RUSC2: variants seen among roughly 807,000 people sequenced by gnomAD.
RUSC2 encodes the protein AP-4 complex accessory subunit RUSC2.
In RUSC2, 34 loss-of-function variants were observed where a neutral mutation model predicts 122.2. The ratio of observed to expected loss-of-function variants is 0.28; its 90% confidence interval spans 0.21 to 0.37. The LOEUF (loss-of-function observed/expected upper bound fraction) is 0.37, where lower values mean the gene tolerates loss of function less well. RUSC2 is among the 10% of genes least tolerant of loss of function. The pLI, the probability that RUSC2 is intolerant of heterozygous loss-of-function variation, is 1.00. For missense variants in RUSC2, 1,747 were observed against 1,952.4 expected, an observed-to-expected ratio of 0.89 and a Z score of 1.98; for synonymous variants, 784 against 790.0, an observed-to-expected ratio of 0.99 and a Z score of 0.13.
At chr9:35,503,541 A>G (rs930910482) in intron 1 of RUSC2, among the ~76,000 whole-genome samples, 2 of 152,172 alleles carry the variant, frequency 1.3e-5, no homozygotes, top group South Asian at 2.1e-4. Flanking sequence ...TATTTTTGCA[A>G]TTGCCAATCG....
At chr9:35,513,939 T>TATATATATATA (rs1587842444) in intron 1 of RUSC2, among the ~76,000 whole-genome samples, 7 of 141,630 alleles carry the variant, frequency 4.9e-5, no homozygotes, top group South Asian at 2.3e-4. Flanking sequence ...TATATATATA[T>TATATATATATA]TACTTTATGT....
chr9:35,547,880 C>T lies in RUSC2; in HGVS notation c.1359C>T (p.Val453=). Residue 453 remains valine, a synonymous_variant, in exon 2 of 12, where the codon GTC becomes GTT. Coordinates refer to ENST00000361226, the MANE Select transcript of RUSC2 (RefSeq NM_014806.5). This position sits in a 1 kb window ranked among gnomAD's most constrained non-coding sequence, Gnocchi z 4.6. The part of the protein sequence containing the change: ...SEYYLFQKPE[V]QPEEQEAVSS... The stretch of plus-strand genomic sequence containing the variant: ...ATTACCTATTCCAGAAGCCAGAAGT[C>T]CAGCCAGAGGAACAAGAAGCAGTGA... 2.5e-6 allele frequency: 4 copies of T among 1,614,220 alleles called. No homozygotes were observed. The highest frequency in any genetic ancestry group is 3.4e-6 in the Non-Finnish European group (4 of 1,180,050).
chr9:35,545,417 C>G (rs553380730), intron 1 of RUSC2, among the ~76,000 whole-genome samples: 1 of 152,340 alleles, frequency 6.6e-6, no homozygotes, highest in Admixed American at 6.5e-5. Context: ...GCAGGCCACA[C>G]TGCCACGGTG....
chr9:35,532,198 C>T (rs1400538408), intron 1 of RUSC2, among the ~76,000 whole-genome samples: 8 of 152,014 alleles, frequency 5.3e-5, no homozygotes, highest in Non-Finnish European at 1.2e-4. Flanking sequence ...ATTTGGTTTT[C>T]GATATGTTGA....
Position 35,547,897 on chromosome 9 carries a change from A to C in RUSC2, c.1376A>C (p.Glu459Ala), listed in dbSNP as rs199609769. 9 of 1,614,150 alleles carry C rather than the reference A, an allele frequency of 5.6e-6. No homozygotes were observed. The African/African-American group carries it at 9.3e-5, about 17-fold the overall frequency. Reference protein sequence around the residue: ...QKPEVQPEEQEAVSSSTQAAA... With the variant: ...QKPEVQPEEQAAVSSSTQAAA... The stretch of plus-strand genomic sequence containing the variant: ...CCAGAAGTCCAGCCAGAGGAACAAG[A>C]AGCAGTGAGTTCCTCCACCCAAGCA... Residue 459 changes from glutamate (E) to alanine (A), a missense_variant, in exon 2 of 12, where the codon GAA becomes GCA. Transcript: ENST00000361226. The surrounding 1 kb of genome is among the most constrained non-coding windows in gnomAD (Gnocchi z 4.6).
At chr9:35,517,452 C>T (rs567938355) in intron 1 of RUSC2, among the ~76,000 whole-genome samples, 73 of 152,228 alleles carry the variant, frequency 4.8e-4, no homozygotes, top group African/African-American at 1.4e-3. Flanking sequence ...GTGAGTCCTG[C>T]TGCTGAATGC....
At chr9:35,532,582 C>T (rs1821441199) in intron 1 of RUSC2, among the ~76,000 whole-genome samples, 2 of 151,046 alleles carry the variant, frequency 1.3e-5, no homozygotes, top group Non-Finnish European at 3.0e-5. Flanking sequence ...CCATCTCTAC[C>T]AAAACCACAA....
At chr9:35,551,977 T>A (rs755569020) in intron 2 of RUSC2, among the ~76,000 whole-genome samples, 4 of 151,994 alleles carry the variant, frequency 2.6e-5, no homozygotes, top group Non-Finnish European at 5.9e-5. Flanking sequence ...GGCAGGAGGA[T>A]CGCCTGAGCC....
At chr9:35,497,042 C>T (rs1192650243) in intron 1 of RUSC2, among the ~76,000 whole-genome samples, 2 of 152,200 alleles carry the variant, frequency 1.3e-5, no homozygotes, top group East Asian at 1.9e-4. Context: ...AGTCAAGCAT[C>T]TTTAATGGGC....
Position 35,558,436 on chromosome 9 carries a change from G to A in RUSC2, c.3236-26G>A. On this transcript the variant is annotated intron_variant, in intron 7 of 11. Transcript: ENST00000361226. The surrounding 1 kb of genome is among the most constrained non-coding windows in gnomAD (Gnocchi z 4.3). Reference sequence around the variant, plus strand: ...TTAGGGCTCCAGAAATTGGTCATGTGACCTGCAACCCTGGCTTCCTCCCAG... The same window carrying A: ...TTAGGGCTCCAGAAATTGGTCATGTAACCTGCAACCCTGGCTTCCTCCCAG... 1 of 1,614,028 alleles carries A rather than the reference G, an allele frequency of 6.2e-7. No individual in the cohort carries two copies. The highest frequency in any genetic ancestry group is 2.2e-5 in the East Asian group (1 of 44,886).
rs1005416548 is a variant in RUSC2 at position 35,561,822 on chromosome 9, G to A, written c.*440G>A. On this transcript the variant is annotated 3_prime_UTR_variant, in exon 12 of 12. Coordinates refer to ENST00000361226, the MANE Select transcript of RUSC2 (RefSeq NM_014806.5). ...CTGGTCATCAGAAGAGGGAGGAGGA[G>A]CCCAGGCGTCTGTTTATGTATTTAT... 1.7e-6 allele frequency: 1 copy of A among 594,016 alleles called. No homozygotes were observed. The highest frequency in any genetic ancestry group is 1.8e-5 in the African/African-American group (1 of 54,122). 36.8% of individuals were successfully genotyped at this position (594,016 alleles called of 1,614,324 possible).
Position 35,547,076 on chromosome 9 carries a change from C to G in RUSC2, c.555C>G (p.Cys185Trp), listed in dbSNP as rs201828335. 33 of 1,613,132 alleles carry G rather than the reference C, an allele frequency of 2.0e-5. No homozygotes were observed. The highest frequency in any genetic ancestry group is 2.8e-5 in the Non-Finnish European group (33 of 1,179,644). Reference protein sequence around the residue: ...EPVMTLDTQQCGTSHCCRPEL... With the variant: ...EPVMTLDTQQWGTSHCCRPEL... Reference sequence around the variant, plus strand: ...TGATGACCTTGGATACTCAGCAGTGCGGCACCAGCCACTGCTGCCGGCCAG... The same window carrying G: ...TGATGACCTTGGATACTCAGCAGTGGGGCACCAGCCACTGCTGCCGGCCAG... Residue 185 changes from cysteine to tryptophan, a missense_variant, in exon 2 of 12, where the codon TGC becomes TGG. Transcript: ENST00000361226. The surrounding 1 kb of genome is among the most constrained non-coding windows in gnomAD (Gnocchi z 4.6).
chr9:35,510,062 T>G (rs2132504375), intron 1 of RUSC2, among the ~76,000 whole-genome samples: 1 of 152,304 alleles, frequency 6.6e-6, no homozygotes, highest in East Asian at 1.9e-4. Flanking sequence ...GACAGTAGTT[T>G]GTTAATTGAA....
chr9:35,495,468 C>G (rs1238325410), intron 1 of RUSC2, among the ~76,000 whole-genome samples: 1 of 151,250 alleles, frequency 6.6e-6, no homozygotes, highest in Non-Finnish European at 1.5e-5. Context: ...TGTCAAAACT[C>G]ATCTGACCAG....
chr9:35,559,329 A>T, intron 9 of RUSC2, 57 bp downstream of exon 9: 1 of 1,376,908 alleles, frequency 7.3e-7, no homozygotes. Context: ...GAGGCACAAA[A>T]GAGGAAGGAA....
intron 1 of RUSC2, among the ~76,000 whole-genome samples, chr9:35,524,976 A>T (rs1821297425): frequency 6.6e-6 from 1 of 152,074 alleles, no homozygotes; most frequent in Admixed American, 6.5e-5. Flanking sequence ...ATCTCAAAAA[A>T]AAAAAAAAAC....
chr9:35,514,047 T>C (rs1254738238), intron 1 of RUSC2, among the ~76,000 whole-genome samples: 1 of 151,676 alleles, frequency 6.6e-6, no homozygotes. Flanking sequence ...GGCTGCTCTC[T>C]TGAAAATTTC....
At chr9:35,554,648 T>C (rs1587867348) in intron 2 of RUSC2, among the ~76,000 whole-genome samples, 1 of 152,286 alleles carries the variant, frequency 6.6e-6, no homozygotes, top group East Asian at 1.9e-4. Context: ...TAGCACATTT[T>C]AAGTGAAAGC....
chr9:35,553,481 T>C (rs1315549932), intron 2 of RUSC2, among the ~76,000 whole-genome samples: 1 of 152,214 alleles, frequency 6.6e-6, no homozygotes, highest in Non-Finnish European at 1.5e-5. Context: ...AAAGGACAAC[T>C]TTTAATTGCT....
Sources: allele counts gnomAD v4.1 joint callset (sites outside exome capture counted in the v4.1 genomes callset), GRCh38; gene constraint gnomAD v4.1.1; non-coding constraint Gnocchi (gnomAD v3.1); transcripts MANE v1.5; gene names NCBI Gene and HGNC (gene_info 2026-07-23, HGNC 2026-07-21).